Variants in ERBB4 observed in about 807,000 individuals in gnomAD.
The protein encoded by ERBB4 is erb-b2 receptor tyrosine kinase 4.
In ERBB4, 42 loss-of-function variants were observed where a neutral mutation model predicts 158.0. The observed-to-expected ratio is 0.27, with a 90% CI of 0.21 to 0.34. The LOEUF (loss-of-function observed/expected upper bound fraction) is 0.34, where lower values mean the gene tolerates loss of function less well. ERBB4 is among the 10% of genes least tolerant of loss of function. The pLI, the probability that ERBB4 is intolerant of heterozygous loss-of-function variation, is 1.00. For synonymous variants in ERBB4, 583 were observed against 558.7 expected (o/e 1.04, Z -0.61); for missense variants, 1,333 against 1,624.1 (o/e 0.82, Z 3.08).
At chr2:212,515,246 C>G (rs1050776425) in intron 1 of ERBB4, among the ~76,000 whole-genome samples, 5 of 152,108 alleles carry the variant, frequency 3.3e-5, no homozygotes, top group Non-Finnish European at 7.4e-5. Context: ...CATCACTATT[C>G]AGTTAAATAA....
At chr2:211,429,790 G>A (rs1383716061) in intron 21 of ERBB4, among the ~76,000 whole-genome samples, 1 of 152,182 alleles carries the variant, frequency 6.6e-6, no homozygotes, top group East Asian at 1.9e-4. Context: ...ATGGACTACG[G>A]ACATTGTGTT....
chr2:212,513,206 T>C (rs1463751890), intron 1 of ERBB4, among the ~76,000 whole-genome samples: 2 of 152,188 alleles, frequency 1.3e-5, no homozygotes, highest in African/African-American at 4.8e-5. Flanking sequence ...CTGATGCCTT[T>C]ACTGGTATGG....
chr2:211,673,682 A>G (rs1336144380), intron 13 of ERBB4, among the ~76,000 whole-genome samples: 1 of 151,984 alleles, frequency 6.6e-6, no homozygotes, highest in Non-Finnish European at 1.5e-5. Context: ...TCTTGTTGCT[A>G]AGTTACATGA....
chr2:212,344,935 T>C (rs12476049), intron 1 of ERBB4, among the ~76,000 whole-genome samples: 18,278 of 152,056 alleles, frequency 0.12, 1,138 homozygotes, highest in Admixed American at 0.15. Flanking sequence ...CATAGGGTTG[T>C]TGCAAAAGTC....
intron 20 of ERBB4, among the ~76,000 whole-genome samples, chr2:211,535,385 T>C (rs2066617071): frequency 6.6e-6 from 1 of 152,056 alleles, no homozygotes; most frequent in Non-Finnish European, 1.5e-5. Flanking sequence ...TGTTTACGGA[T>C]GTATATTAAA....
At chr2:212,207,428 A>C (rs74685288) in intron 1 of ERBB4, among the ~76,000 whole-genome samples, 6,654 of 152,292 alleles carry the variant, frequency 0.044, 441 homozygotes, top group African/African-American at 0.15. Context: ...ATATGATAAT[A>C]TATGACAGAA....
Position 211,551,929 on chromosome 2 carries a change from T to C in ERBB4, c.2487+9974A>G, listed in dbSNP as rs191447137. On this transcript the variant is annotated intron_variant, in intron 20 of 27. Transcript: ENST00000342788. ...ATGAAGGCTCTGCTCGTGTAACATA[T>C]TCAAGCCTTAAGGAAGCTTTCACAT... Among the ~76,000 whole-genome samples, 563 of 152,292 alleles carry C rather than the reference T, an allele frequency of 3.7e-3. 4 individuals carry two copies. Among genetic ancestry groups the C allele is most frequent in the African/African-American group, 0.013 (534 of 41,560 alleles).
chr2:212,260,099 A>AAGAAG (rs1276758760), intron 1 of ERBB4, among the ~76,000 whole-genome samples: 3 of 151,794 alleles, frequency 2.0e-5, no homozygotes, highest in Non-Finnish European at 4.4e-5. Flanking sequence ...AAGAAAAGAA[A>AAGAAG]TGTACTACTT....
intron 4 of ERBB4, chr2:211,779,793 C>T (rs981883276): frequency 6.6e-6 from 1 of 152,136 alleles, no homozygotes; most frequent in Non-Finnish European, 1.5e-5. Flanking sequence ...GAATCAAACT[C>T]CCAGAAACTG....
At chr2:212,515,986 T>C (rs995594112) in intron 1 of ERBB4, among the ~76,000 whole-genome samples, 2 of 152,044 alleles carry the variant, frequency 1.3e-5, no homozygotes, top group African/African-American at 4.8e-5. Context: ...ACTGATTTCA[T>C]ATAATAATTC....
intron 20 of ERBB4, among the ~76,000 whole-genome samples, chr2:211,457,682 G>A (rs906519699): frequency 6.6e-6 from 1 of 152,190 alleles, no homozygotes; most frequent in African/African-American, 2.4e-5. Flanking sequence ...ACAAGGTTAA[G>A]GATAAACTGA....
intron 20 of ERBB4, among the ~76,000 whole-genome samples, chr2:211,448,277 A>G (rs977191042): frequency 3.9e-5 from 6 of 152,170 alleles, no homozygotes; most frequent in African/African-American, 1.4e-4. Flanking sequence ...CCAGCCTATT[A>G]TTATTTTTAA....
intron 2 of ERBB4, among the ~76,000 whole-genome samples, chr2:212,121,640 T>A (rs1198530065): frequency 6.6e-6 from 1 of 152,216 alleles, no homozygotes; most frequent in Non-Finnish European, 1.5e-5. Flanking sequence ...CCATCGACGT[T>A]CTCTACCTCT....
chr2:212,210,761 T>C (rs1021763721), intron 1 of ERBB4, among the ~76,000 whole-genome samples: 6 of 152,140 alleles, frequency 3.9e-5, no homozygotes, highest in Admixed American at 2.6e-4. Flanking sequence ...GCTCTAAGTT[T>C]TCTCTTCTGT....
chr2:211,805,445 G>C (rs971904915), intron 3 of ERBB4, among the ~76,000 whole-genome samples: 7 of 152,194 alleles, frequency 4.6e-5, no homozygotes, highest in Non-Finnish European at 1.0e-4. Context: ...GAAAACACAA[G>C]AGTATGAGCA....
rs528979985 is a variant in ERBB4, at chr2:212,176,338, T to C, written c.83-51435A>G. Among the ~76,000 whole-genome samples, 7 of 151,920 alleles carry C rather than the reference T, an allele frequency of 4.6e-5. No individual in the cohort carries two copies. The East Asian group carries it at 1.4e-3, about 30-fold the overall frequency. ...TCTTTGGGAAGTAAATAGGTTTAGA[T>C]GAGGTAATGAGGGTGAGGCTCTCAA... On this transcript the variant is annotated intron_variant, in intron 1 of 27. Coordinates refer to ENST00000342788, the MANE Select transcript of ERBB4 (RefSeq NM_005235.3).
intron 1 of ERBB4, among the ~76,000 whole-genome samples, chr2:212,206,656 G>A (rs1245912691): frequency 7.0e-6 from 1 of 143,422 alleles, no homozygotes; most frequent in East Asian, 2.0e-4. Flanking sequence ...GTGCTATCTC[G>A]GCTCACTGCA....
intron 14 of ERBB4, among the ~76,000 whole-genome samples, chr2:211,667,145 G>A (rs1018059428): frequency 2.7e-5 from 4 of 148,990 alleles, no homozygotes; most frequent in African/African-American, 5.1e-5. Flanking sequence ...GAAAGTTTAC[G>A]AATTTGTGGT....
intron 20 of ERBB4, among the ~76,000 whole-genome samples, chr2:211,549,637 C>G (rs903111443): frequency 6.6e-6 from 1 of 152,108 alleles, no homozygotes; most frequent in African/African-American, 2.4e-5. Context: ...ACCTCTGACA[C>G]GTAAGTGAGC....
Sources: gnomAD v4.1 joint callset for allele counts (sites outside exome capture counted in the v4.1 genomes callset) on GRCh38, gnomAD v4.1.1 for gene constraint, MANE v1.5 for transcripts, NCBI Gene and HGNC (gene_info 2026-07-23, HGNC 2026-07-21) for gene names.